CDH12: variants seen among roughly 807,000 people sequenced by gnomAD.
CDH12 encodes cadherin-12.
CDH12 carries 41 observed loss-of-function variants against 74.1 expected under a neutral mutation model. That is an observed-to-expected ratio of 0.55 (90% confidence interval 0.43 to 0.72). The LOEUF (loss-of-function observed/expected upper bound fraction) is 0.72, where lower values mean the gene tolerates loss of function less well. Ranked by LOEUF, CDH12 falls within the 30% of genes least tolerant of loss-of-function variation. CDH12 has a pLI of 0.00. For synonymous variants in CDH12, 399 were observed against 355.0 expected, an observed-to-expected ratio of 1.12 and a Z score of -1.39; for missense variants, 945 against 977.2, an observed-to-expected ratio of 0.97 and a Z score of 0.44.
chr5:22,702,871 A>G (rs1247788173), intron 1 of CDH12, among the ~76,000 whole-genome samples: 2 of 152,096 alleles, frequency 1.3e-5, no homozygotes, highest in African/African-American at 4.8e-5. Context: ...TCTTTTCCCG[A>G]AAACCTTACC....
chr5:22,054,490 G>C (rs946425525), intron 5 of CDH12, among the ~76,000 whole-genome samples: 1 of 152,012 alleles, frequency 6.6e-6, no homozygotes, highest in Admixed American at 6.6e-5. Context: ...AGAACTAATA[G>C]AATGGCCTAC....
chr5:22,133,746 C>T (rs774717145), intron 4 of CDH12, among the ~76,000 whole-genome samples: 8 of 152,124 alleles, frequency 5.3e-5, no homozygotes, highest in East Asian at 1.9e-4. Context: ...TACATAATTA[C>T]GTGTACATAT....
intron 2 of CDH12, among the ~76,000 whole-genome samples, chr5:22,456,244 ATG>A (rs58290508): frequency 0.43 from 62,753 of 147,196 alleles, 13,669 homozygotes; most frequent in Admixed American, 0.61. Flanking sequence ...GTCTATATAT[ATG>A]TGTGTGTGTG....
intron 3 of CDH12, among the ~76,000 whole-genome samples, chr5:22,340,519 C>T (rs934990636): frequency 8.9e-5 from 11 of 123,088 alleles, no homozygotes; most frequent in African/African-American, 3.5e-4. Context: ...GAAGGAGACT[C>T]CGTCTCAAAA....
chr5:21,835,112 T>C (rs1245593566), intron 8 of CDH12, among the ~76,000 whole-genome samples: 1 of 151,856 alleles, frequency 6.6e-6, no homozygotes, highest in Non-Finnish European at 1.5e-5. Context: ...AACCAGACTT[T>C]CCAGGAAATG....
chr5:22,084,363 T>C (rs1305034301), intron 4 of CDH12, among the ~76,000 whole-genome samples: 1 of 152,116 alleles, frequency 6.6e-6, no homozygotes, highest in Non-Finnish European at 1.5e-5. Flanking sequence ...AATAAATAAA[T>C]TACTTAATGG....
intron 1 of CDH12, among the ~76,000 whole-genome samples, chr5:22,726,673 CATG>C (rs1172177800): frequency 6.6e-6 from 1 of 151,748 alleles, no homozygotes; most frequent in African/African-American, 2.4e-5. Context: ...TGTAGTGTCA[CATG>C]ATGTTTTTAC....
At chr5:22,660,222 C>G (rs1740273636) in intron 1 of CDH12, among the ~76,000 whole-genome samples, 1 of 152,028 alleles carries the variant, frequency 6.6e-6, no homozygotes, top group South Asian at 2.1e-4. Context: ...TGCTAGAAAC[C>G]CAAAACACAC....
intron 1 of CDH12, among the ~76,000 whole-genome samples, chr5:22,588,077 AATAC>A (rs1740504632): frequency 1.3e-5 from 2 of 150,292 alleles, no homozygotes; most frequent in Non-Finnish European, 3.0e-5. Flanking sequence ...ATATGCAATA[AATAC>A]ATACATGTAT....
intron 1 of CDH12, among the ~76,000 whole-genome samples, chr5:22,741,480 T>TTTG (rs893199203): frequency 1.2e-4 from 19 of 152,142 alleles, no homozygotes; most frequent in South Asian, 4.1e-4. Flanking sequence ...AATGGTAAGT[T>TTTG]TTGTTGTTGT....
At chr5:22,548,051 CTGTT>C (rs1194385287) in intron 1 of CDH12, among the ~76,000 whole-genome samples, 4 of 152,118 alleles carry the variant, frequency 2.6e-5, no homozygotes, top group Non-Finnish European at 4.4e-5. Context: ...TCCTTTATGT[CTGTT>C]TAATAAATGT....
chr5:22,826,847 T>C (rs1283813075), intron 1 of CDH12, among the ~76,000 whole-genome samples: 1 of 152,164 alleles, frequency 6.6e-6, no homozygotes, highest in African/African-American at 2.4e-5. Flanking sequence ...CATTCTGTTT[T>C]ATAAGGAAAG....
intron 1 of CDH12, among the ~76,000 whole-genome samples, chr5:22,573,837 G>C (rs975894793): frequency 2.0e-5 from 3 of 151,990 alleles, no homozygotes. Context: ...GACTGTAGAG[G>C]ATCAATATAG....
chr5:22,480,337 C>T (rs1385122258), intron 2 of CDH12, among the ~76,000 whole-genome samples: 3 of 151,910 alleles, frequency 2.0e-5, no homozygotes, highest in East Asian at 1.9e-4. Flanking sequence ...AATCCCAGCA[C>T]TTTGCAAGGC....
chr5:22,095,520 C>A (rs1024898550), intron 4 of CDH12, among the ~76,000 whole-genome samples: 2 of 152,208 alleles, frequency 1.3e-5, no homozygotes, highest in African/African-American at 4.8e-5. Context: ...GCGGCAAGTA[C>A]TGCTTTTCTG....
chr5:22,279,899 G>A (rs1239323943), intron 3 of CDH12, among the ~76,000 whole-genome samples: 2 of 152,110 alleles, frequency 1.3e-5, no homozygotes, highest in Admixed American at 1.3e-4. Flanking sequence ...CCCGGTAATG[G>A]GATGGCTGGG....
intron 2 of CDH12, among the ~76,000 whole-genome samples, chr5:22,501,365 G>T (rs1295312310): frequency 2.6e-5 from 4 of 152,120 alleles, no homozygotes. Flanking sequence ...ACTCTTTTCT[G>T]CTGGTCTCAC....
At chr5:22,686,227 A>AT (rs1741790964) in intron 1 of CDH12, among the ~76,000 whole-genome samples, 1 of 151,590 alleles carries the variant, frequency 6.6e-6, no homozygotes, top group African/African-American at 2.4e-5. Flanking sequence ...CCCAGTTTCA[A>AT]TTTTTTGTCT....
At chr5:22,537,761 C>A (rs1167718200) in intron 1 of CDH12, among the ~76,000 whole-genome samples, 2 of 152,190 alleles carry the variant, frequency 1.3e-5, no homozygotes. Flanking sequence ...TGTCCAGAAG[C>A]CCCTCTCAGG....
Sources: allele counts gnomAD v4.1 joint callset (sites outside exome capture counted in the v4.1 genomes callset), GRCh38; gene constraint gnomAD v4.1.1; transcripts MANE v1.5; gene names NCBI Gene and HGNC (gene_info 2026-07-23, HGNC 2026-07-21).